Variants in SEPTIN7 observed in about 807,000 individuals in gnomAD.
SEPTIN7 encodes septin 7.
In SEPTIN7, 10 loss-of-function variants were observed where a neutral mutation model predicts 63.3. The ratio of observed to expected loss-of-function variants is 0.16; its 90% confidence interval spans 0.10 to 0.27. The LOEUF (loss-of-function observed/expected upper bound fraction) is 0.27. Among genes scored for constraint, SEPTIN7 ranks in the 10% least tolerant of loss-of-function variants. SEPTIN7 has a pLI of 1.00. For synonymous variants in SEPTIN7, 131 were observed against 165.3 expected, an observed-to-expected ratio of 0.79 and a Z score of 1.59; for missense variants, 310 against 521.0, an observed-to-expected ratio of 0.59 and a Z score of 3.94.
chr7:35,804,839 T>TTTG (rs1788224567), intron 1 of SEPTIN7, among the ~76,000 whole-genome samples: 1 of 147,806 alleles, frequency 6.8e-6, no homozygotes, highest in South Asian at 2.1e-4. Flanking sequence ...TTTTTTGTTT[T>TTTG]TTTTTTTTTT....
chr7:35,803,554 A>G (rs144924446), intron 1 of SEPTIN7, among the ~76,000 whole-genome samples: 1 of 152,222 alleles, frequency 6.6e-6, no homozygotes, highest in South Asian at 2.1e-4. Context: ...TTCATTGTAG[A>G]CTGTATTCTG....
intron 2 of SEPTIN7, 47 bp downstream of exon 2, chr7:35,831,543 C>G: frequency 2.5e-6 from 1 of 407,226 alleles, no homozygotes; most frequent in South Asian, 1.8e-5. Flanking sequence ...TCTCAGTTAA[C>G]TTAAATTTAA....
intron 3 of SEPTIN7, among the ~76,000 whole-genome samples, chr7:35,850,959 A>G (rs1319853326): frequency 6.6e-6 from 1 of 152,322 alleles, no homozygotes; most frequent in East Asian, 1.9e-4. Context: ...TCTTTAAAGC[A>G]GGACTTCTCA....
chr7:35,902,942 G>A, intron 12 of SEPTIN7, 134 bp from the exon 13 acceptor site: 1 of 1,289,470 alleles, frequency 7.8e-7, no homozygotes, highest in South Asian at 2.3e-5. Flanking sequence ...AGTACTTCCA[G>A]GTAGTACTCT....
At chr7:35,872,806 G>A (rs777306595) in intron 5 of SEPTIN7, 40 bp downstream of exon 5, 2 of 1,324,880 alleles carry the variant, frequency 1.5e-6, no homozygotes, top group Admixed American at 1.7e-5. Flanking sequence ...AGTGCATTTG[G>A]GGTACTGGGG....
At chr7:35,831,854 T>C in intron 2 of SEPTIN7, 1 of 284,958 alleles carries the variant, frequency 3.5e-6, no homozygotes, top group South Asian at 3.1e-5. Context: ...TGAATTGATG[T>C]TTTGATCCCA....
intron 1 of SEPTIN7, among the ~76,000 whole-genome samples, chr7:35,821,335 A>G (rs1006372068): frequency 6.6e-6 from 1 of 152,114 alleles, no homozygotes; most frequent in Admixed American, 6.6e-5. Flanking sequence ...TTTCTGAAGT[A>G]TTTACTCCAC....
intron 10 of SEPTIN7, among the ~76,000 whole-genome samples, chr7:35,888,322 C>T (rs890896543): frequency 2.0e-5 from 3 of 151,918 alleles, no homozygotes; most frequent in Non-Finnish European, 2.9e-5. Context: ...ATTATGTAGT[C>T]GTATAGAAGA....
At chr7:35,886,612 C>G (rs1436715760) in intron 10 of SEPTIN7, among the ~76,000 whole-genome samples, 1 of 152,122 alleles carries the variant, frequency 6.6e-6, no homozygotes, top group African/African-American at 2.4e-5. Flanking sequence ...TCCGCATTTC[C>G]CACTTTTCTC....
intron 4 of SEPTIN7, 144 bp from the exon 5 acceptor site, chr7:35,872,522 A>G: frequency 1.6e-6 from 1 of 629,328 alleles, no homozygotes; most frequent in South Asian, 1.9e-5. Context: ...ATCAATTCTA[A>G]AGGTAATGTG....
Position 35,814,428 on chromosome 7 carries a change from T to G in SEPTIN7, c.61+13158T>G, listed in dbSNP as rs551963509. Among the ~76,000 whole-genome samples, 20 of 152,350 alleles carry G rather than the reference T, an allele frequency of 1.3e-4. No homozygotes were observed. The East Asian group carries it at 3.3e-3, about 25-fold the overall frequency. ...GCCATCTGTTTGTCACCTTTGGTGGTCCATTGAAATCTTTGGTCCATTTTT... is the reference window on the plus strand; with the variant it reads ...GCCATCTGTTTGTCACCTTTGGTGGGCCATTGAAATCTTTGGTCCATTTTT... On this transcript the variant is annotated intron_variant, in intron 1 of 13. Transcript: ENST00000350320.
chr7:35,817,817 A>AT (rs1252763648), intron 1 of SEPTIN7, among the ~76,000 whole-genome samples: 1 of 149,932 alleles, frequency 6.7e-6, no homozygotes. Flanking sequence ...TTTTTTCTTA[A>AT]TTTTTTTATA....
chr7:35,824,087 T>A (rs1783381093), intron 1 of SEPTIN7, among the ~76,000 whole-genome samples: 1 of 152,012 alleles, frequency 6.6e-6, no homozygotes, highest in African/African-American at 2.4e-5. Flanking sequence ...TCTTCAAAGA[T>A]AAGCATTAAA....
At chr7:35,842,079 G>A (rs1476093011) in intron 3 of SEPTIN7, among the ~76,000 whole-genome samples, 2 of 152,174 alleles carry the variant, frequency 1.3e-5, no homozygotes, top group African/African-American at 4.8e-5. Flanking sequence ...TCTGTTGAAA[G>A]CATTTGTAGA....
intron 1 of SEPTIN7, among the ~76,000 whole-genome samples, chr7:35,805,121 A>G (rs1788248770): frequency 6.6e-6 from 1 of 151,988 alleles, no homozygotes; most frequent in South Asian, 2.1e-4. Context: ...ACCTCAAGTG[A>G]TCCTCCTGCC....
intron 4 of SEPTIN7, among the ~76,000 whole-genome samples, chr7:35,869,264 A>G (rs907389248): frequency 7.9e-5 from 12 of 152,164 alleles, no homozygotes; most frequent in African/African-American, 2.4e-4. Context: ...CAACTTTCTT[A>G]GTAAAGTAGT....
chr7:35,883,783 T>TA (rs1420833113), intron 8 of SEPTIN7, 108 bp from the exon 9 acceptor site: 2 of 530,194 alleles, frequency 3.8e-6, no homozygotes, highest in Admixed American at 4.2e-5. Flanking sequence ...CTATCGAAAG[T>TA]AAATTTTTTT....
chr7:35,878,945 A>T lies in SEPTIN7; in HGVS notation c.513-878A>T, dbSNP rs1583610354. On this transcript the variant is annotated intron_variant, in intron 6 of 13. Transcript: ENST00000350320. ...ATTGAAGATAATTGAAATCTATTGT[A>T]GTCATAATAATTGTACTGAATGTAG... 2.6e-5 allele frequency among the ~76,000 whole-genome samples: 4 copies of T among 152,336 alleles called. No homozygotes were observed. In the East Asian group the frequency reaches 7.7e-4, roughly 29 times the overall value.
intron 1 of SEPTIN7, among the ~76,000 whole-genome samples, chr7:35,824,861 A>G (rs1783419616): frequency 6.6e-6 from 1 of 152,224 alleles, no homozygotes; most frequent in Non-Finnish European, 1.5e-5. Flanking sequence ...ACATGCAATC[A>G]GTATAAAATT....
Sources: allele counts gnomAD v4.1 joint callset (sites outside exome capture counted in the v4.1 genomes callset), GRCh38; gene constraint gnomAD v4.1.1; transcripts MANE v1.5; gene names NCBI Gene and HGNC (gene_info 2026-07-23, HGNC 2026-07-21).